Variants in PRKN observed in about 807,000 individuals in gnomAD.
PRKN encodes E3 ubiquitin-protein ligase parkin.
Under a neutral mutation model 59.5 loss-of-function variants are expected in PRKN, and 56 were observed. The ratio of observed to expected loss-of-function variants is 0.94; its 90% CI spans 0.76 to 1.18. The LOEUF is 1.18. Among genes scored for constraint, PRKN ranks in the 50% most tolerant of loss-of-function variants. The pLI, the probability that PRKN is intolerant of heterozygous loss-of-function variation, is 0.00. For missense variants in PRKN, 657 were observed against 596.4 expected, an observed-to-expected ratio of 1.10 and a Z score of -1.06; for synonymous variants, 250 against 222.1, an observed-to-expected ratio of 1.13 and a Z score of -1.12.
At chr6:162,630,205 A>T (rs543240146) in intron 1 of PRKN, among the ~76,000 whole-genome samples, 1 of 152,306 alleles carries the variant, frequency 6.6e-6, no homozygotes, top group South Asian at 2.1e-4. Context: ...AAGATTACTG[A>T]GTATATAAAA....
chr6:162,444,467 C>T (rs949121250), intron 1 of PRKN, among the ~76,000 whole-genome samples: 1 of 151,170 alleles, frequency 6.6e-6, no homozygotes, highest in African/African-American at 2.5e-5. Context: ...TCCATGTGTA[C>T]TCTTTTAAAC....
At chr6:161,796,172 C>A (rs1050726378) in intron 6 of PRKN, among the ~76,000 whole-genome samples, 5 of 152,206 alleles carry the variant, frequency 3.3e-5, no homozygotes, top group East Asian at 1.9e-4. Context: ...TAATTTTCTC[C>A]AGATGATTTC....
chr6:161,693,118 T>C (rs191651097), intron 7 of PRKN, among the ~76,000 whole-genome samples: 1 of 152,096 alleles, frequency 6.6e-6, no homozygotes, highest in Non-Finnish European at 1.5e-5. Flanking sequence ...AAAAAACACA[T>C]AAACATAAAA....
At chr6:162,112,161 C>T (rs577414068) in intron 4 of PRKN, among the ~76,000 whole-genome samples, 9 of 152,164 alleles carry the variant, frequency 5.9e-5, no homozygotes, top group African/African-American at 1.2e-4. Context: ...TGTGAAAACT[C>T]GAATATCTTT....
chr6:162,105,841 G>C (rs971846124), intron 4 of PRKN, among the ~76,000 whole-genome samples: 4 of 152,176 alleles, frequency 2.6e-5, no homozygotes, highest in Non-Finnish European at 5.9e-5. Context: ...AATATGATAA[G>C]ATTTTTAGTA....
intron 4 of PRKN, among the ~76,000 whole-genome samples, chr6:162,081,968 A>G (rs903267974): frequency 1.3e-5 from 2 of 152,072 alleles, no homozygotes; most frequent in African/African-American, 4.8e-5. Flanking sequence ...AACCTCATGA[A>G]TCTACCTCTG....
chr6:162,620,235 CTTG>C (rs1227504672), intron 1 of PRKN, among the ~76,000 whole-genome samples: 2 of 152,080 alleles, frequency 1.3e-5, no homozygotes, highest in Non-Finnish European at 2.9e-5. Flanking sequence ...TTTAAGCTGT[CTTG>C]TTGACTTATC....
In PRKN at chr6:161,588,099, T is replaced by TG. The variant is rs1562543770; in HGVS notation, c.872-18684dup. On this transcript the variant is annotated intron_variant, in intron 7 of 11. Coordinates refer to ENST00000366898, the MANE Select transcript of PRKN (RefSeq NM_004562.3). The surrounding 1 kb of genome is among the most constrained non-coding windows in gnomAD (Gnocchi z 5.0). ...TTATTAGGATTAAAAATTTACTCTA[T>TG]GGGGGGCTGGGCGCGGTGGCTCATG... Among the ~76,000 whole-genome samples, 2 of 152,272 alleles carry TG rather than the reference T, an allele frequency of 1.3e-5. No homozygotes were observed. The highest frequency in any genetic ancestry group is 3.9e-4 in the East Asian group (2 of 5,172).
chr6:162,488,243 C>T (rs1893111), intron 1 of PRKN, among the ~76,000 whole-genome samples: 149,771 of 152,254 alleles, frequency 0.98, 73,739 homozygotes, highest in African/African-American at 1. Flanking sequence ...TTTGTCTTAT[C>T]AAACCAATGA....
intron 7 of PRKN, among the ~76,000 whole-genome samples, chr6:161,605,886 T>C (rs887357888): frequency 5.9e-5 from 9 of 152,046 alleles, no homozygotes; most frequent in African/African-American, 2.2e-4. Context: ...AAAAGCATCC[T>C]ATGGTATCAG....
At chr6:162,615,279 T>C (rs575739463) in intron 1 of PRKN, among the ~76,000 whole-genome samples, 2 of 152,212 alleles carry the variant, frequency 1.3e-5, no homozygotes, top group Non-Finnish European at 2.9e-5. Context: ...TTTTTGATAA[T>C]GTTCACTAGT....
intron 2 of PRKN, among the ~76,000 whole-genome samples, chr6:162,376,821 A>T (rs1243061207): frequency 1.5e-4 from 11 of 75,652 alleles, no homozygotes; most frequent in Non-Finnish European, 2.4e-4. Context: ...GGAGAAGAAC[A>T]GGGAGAGGGA....
chr6:161,854,958 C>T (rs1325552743), intron 6 of PRKN, among the ~76,000 whole-genome samples: 1 of 151,730 alleles, frequency 6.6e-6, no homozygotes, highest in East Asian at 1.9e-4. Flanking sequence ...TGGTGTGTGC[C>T]TGTAGTCCCA....
intron 4 of PRKN, among the ~76,000 whole-genome samples, chr6:162,170,886 C>A (rs1187915583): frequency 6.6e-6 from 1 of 151,844 alleles, no homozygotes; most frequent in Non-Finnish European, 1.5e-5. Flanking sequence ...CCACAAAGTT[C>A]ATATTCAATA....
intron 3 of PRKN, among the ~76,000 whole-genome samples, chr6:162,203,125 A>G (rs1784798581): frequency 6.6e-6 from 1 of 151,794 alleles, no homozygotes; most frequent in Non-Finnish European, 1.5e-5. Flanking sequence ...AAACTAAGTG[A>G]CTCTTCTCTC....
At chr6:162,511,809 GAC>G (rs1777631022) in intron 1 of PRKN, among the ~76,000 whole-genome samples, 1 of 152,106 alleles carries the variant, frequency 6.6e-6, no homozygotes, top group Non-Finnish European at 1.5e-5. Flanking sequence ...TAGAAAAAAG[GAC>G]ACAATTCTAG....
At chr6:162,541,577 T>C (rs1211321684) in intron 1 of PRKN, among the ~76,000 whole-genome samples, 1 of 152,154 alleles carries the variant, frequency 6.6e-6, no homozygotes, top group African/African-American at 2.4e-5. Context: ...TTCAGTAGGT[T>C]TGAGGCCCAG....
At chr6:162,269,625 T>C (rs1013742473) in intron 2 of PRKN, 2 of 152,206 alleles carry the variant, frequency 1.3e-5, no homozygotes, top group Non-Finnish European at 2.9e-5. Flanking sequence ...CCACTGTCTA[T>C]GGTCTGTAAA....
At chr6:161,690,930 T>G (rs576652044) in intron 7 of PRKN, among the ~76,000 whole-genome samples, 1 of 152,192 alleles carries the variant, frequency 6.6e-6, no homozygotes, top group African/African-American at 2.4e-5. Context: ...TCTATTAATC[T>G]ATCTATCTGT....
Sources: gnomAD v4.1 joint callset for allele counts (sites outside exome capture counted in the v4.1 genomes callset) on GRCh38, gnomAD v4.1.1 for gene constraint, Gnocchi (gnomAD v3.1) non-coding constraint, MANE v1.5 for transcripts, NCBI Gene and HGNC (gene_info 2026-07-23, HGNC 2026-07-21) for gene names.